The following PLPP1 variants were observed in gnomAD, a reference collection of about 807,000 sequenced individuals.
PLPP1 encodes the protein phospholipid phosphatase 1.
PLPP1 carries 24 observed loss-of-function variants against 31.2 expected under a neutral mutation model. The observed-to-expected ratio is 0.77, with a 90% CI of 0.56 to 1.08. The LOEUF (loss-of-function observed/expected upper bound fraction) is 1.08. Among genes scored for constraint, PLPP1 ranks in the 50% least tolerant of loss-of-function variants. PLPP1 has a pLI of 0.00. For synonymous variants in PLPP1, 146 were observed against 126.3 expected (o/e 1.16, Z -1.05); for missense variants, 319 against 342.7 (o/e 0.93, Z 0.55).
At position 55,500,710 on chromosome 5, in the gene PLPP1, A is replaced by G. The variant is rs544515782; in HGVS notation, c.59-25260T>C. Among the ~76,000 whole-genome samples the G allele has an allele frequency of 3.3e-5, 5 of 152,316 alleles. No homozygotes were observed. In the East Asian group the frequency reaches 5.8e-4, roughly 18 times the overall value. On this transcript the variant is annotated intron_variant, in intron 1 of 5. Transcript: ENST00000307259. ...TGTGAAAAGAGCTGTGTAAAGAAAA[A>G]AGCAGTGTGAAGACAGAATAGACGG...
chr5:55,459,471 A>G (rs1472367475), intron 3 of PLPP1, among the ~76,000 whole-genome samples: 1 of 152,210 alleles, frequency 6.6e-6, no homozygotes, highest in Admixed American at 6.5e-5. Flanking sequence ...AGAACATTTC[A>G]CCCAGAAAAC....
chr5:55,463,571 G>C (rs954758592), intron 3 of PLPP1, among the ~76,000 whole-genome samples: 5 of 151,962 alleles, frequency 3.3e-5, no homozygotes, highest in Non-Finnish European at 7.4e-5. Context: ...TGAGGCATGA[G>C]GTTGCAGTGA....
chr5:55,443,192 A>AAAAAAAAAAAAAAAAAAAAT, intron 3 of PLPP1, among the ~76,000 whole-genome samples: 7 of 25,430 alleles, frequency 2.8e-4, no homozygotes, highest in Admixed American at 7.8e-4. Flanking sequence ...AAAAAAAAAA[A>AAAAAAAAAAAAAAAAAAAAT]ATATATATAT....
At chr5:55,433,647 G>A (rs1002311743) in intron 4 of PLPP1, among the ~76,000 whole-genome samples, 15 of 148,420 alleles carry the variant, frequency 1.0e-4, no homozygotes, top group Non-Finnish European at 1.8e-4. Context: ...GTACAGGCGC[G>A]TGCCACCACA....
intron 1 of PLPP1, among the ~76,000 whole-genome samples, chr5:55,491,841 G>C (rs1370344560): frequency 1.7e-5 from 2 of 120,930 alleles, no homozygotes; most frequent in Non-Finnish European, 3.3e-5. Flanking sequence ...CTGGCCAACA[G>C]AGCAAGACTC....
chr5:55,482,203 G>GACAC (rs112327602), intron 1 of PLPP1, among the ~76,000 whole-genome samples: 47 of 144,544 alleles, frequency 3.3e-4, no homozygotes, highest in African/African-American at 1.1e-3. Flanking sequence ...TACACACACA[G>GACAC]ACACACACAC....
At chr5:55,503,650 T>C (rs970176357) in intron 1 of PLPP1, among the ~76,000 whole-genome samples, 7 of 150,832 alleles carry the variant, frequency 4.6e-5, no homozygotes, top group Admixed American at 1.3e-4. Flanking sequence ...CATGGTAGCA[T>C]GTGCACCTGT....
intron 1 of PLPP1, among the ~76,000 whole-genome samples, chr5:55,481,894 C>A (rs1162239464): frequency 1.3e-5 from 2 of 151,630 alleles, no homozygotes; most frequent in Non-Finnish European, 2.9e-5. Flanking sequence ...AAACTTTTTT[C>A]CAACCTAAGA....
At chr5:55,434,803 A>G (rs796884071) in intron 4 of PLPP1, among the ~76,000 whole-genome samples, 10 of 152,328 alleles carry the variant, frequency 6.6e-5, no homozygotes, top group African/African-American at 2.4e-4. Flanking sequence ...CGATAAAACT[A>G]ATCAAAGAAA....
At chr5:55,475,519 A>AGTTT in intron 1 of PLPP1, 69 bp from the exon 2 acceptor site, 8 of 1,370,162 alleles carry the variant, frequency 5.8e-6, no homozygotes, top group Non-Finnish European at 5.9e-6. Flanking sequence ...GGCAATAATT[A>AGTTT]TCCCACAGAC....
intron 2 of PLPP1, among the ~76,000 whole-genome samples, chr5:55,469,134 T>C (rs1052722810): frequency 2.6e-5 from 4 of 152,116 alleles, no homozygotes; most frequent in Non-Finnish European, 5.9e-5. Flanking sequence ...ATGGCAACAT[T>C]ATAAATAGTA....
At chr5:55,513,404 G>T (rs1330442742) in intron 1 of PLPP1, among the ~76,000 whole-genome samples, 20 of 151,668 alleles carry the variant, frequency 1.3e-4, no homozygotes, top group Non-Finnish European at 2.1e-4. Context: ...GGGACTACAG[G>T]CAGGTACCAC....
intron 1 of PLPP1, among the ~76,000 whole-genome samples, chr5:55,512,085 C>T (rs1480849797): frequency 3.3e-5 from 5 of 151,210 alleles, no homozygotes; most frequent in South Asian, 2.1e-4. Flanking sequence ...GCCAAGATAG[C>T]GCCATTGCAC....
At chr5:55,444,819 G>C (rs1225042166) in intron 3 of PLPP1, among the ~76,000 whole-genome samples, 2 of 148,442 alleles carry the variant, frequency 1.3e-5, no homozygotes, top group East Asian at 4.0e-4. Flanking sequence ...GGCGTGATTT[G>C]GCTCACTGCC....
chr5:55,477,989 A>AG (rs768432919), intron 1 of PLPP1, among the ~76,000 whole-genome samples: 2 of 151,688 alleles, frequency 1.3e-5, no homozygotes, highest in Non-Finnish European at 2.9e-5. Flanking sequence ...TAAAAAAAAA[A>AG]AAAGAAAGAA....
At chr5:55,438,050 GTC>G (rs1392961598) in intron 4 of PLPP1, among the ~76,000 whole-genome samples, 1 of 152,226 alleles carries the variant, frequency 6.6e-6, no homozygotes, top group African/African-American at 2.4e-5. Context: ...CAGGAGGAGA[GTC>G]TGGCTGAAGC....
At chr5:55,433,734 T>C (rs1751424695) in intron 4 of PLPP1, among the ~76,000 whole-genome samples, 1 of 151,196 alleles carries the variant, frequency 6.6e-6, no homozygotes, top group African/African-American at 2.4e-5. Context: ...CCTGACCTCA[T>C]GATTCTCCTG....
chr5:55,491,716 G>A (rs1247513450), intron 1 of PLPP1, among the ~76,000 whole-genome samples: 1 of 151,910 alleles, frequency 6.6e-6, no homozygotes, highest in African/African-American at 2.4e-5. Context: ...AAATTAGCCA[G>A]GCATGGTGGT....
chr5:55,513,533 A>G (rs1554041722), intron 1 of PLPP1, among the ~76,000 whole-genome samples: 1 of 152,022 alleles, frequency 6.6e-6, no homozygotes, highest in Non-Finnish European at 1.5e-5. Context: ...TGGCCTCCCA[A>G]AGTGCTGGGA....
Sources: allele counts gnomAD v4.1 joint callset (sites outside exome capture counted in the v4.1 genomes callset), GRCh38; gene constraint gnomAD v4.1.1; transcripts MANE v1.5; gene names NCBI Gene and HGNC (gene_info 2026-07-23, HGNC 2026-07-21).